Variants in KRABD3 observed in about 807,000 individuals in gnomAD.
KRABD3 encodes the protein KRAB domain containing 3.
chr7:149,725,560 C>CGGG, the KRABD3 span: 1 of 1,421,594 alleles, frequency 7.0e-7, no homozygotes, highest in African/African-American at 1.4e-5. Context: ...TGAGGACTGT[C>CGGG]GGGTCATTGT....
chr7:149,718,802 A>G, the KRABD3 span, among the ~76,000 whole-genome samples: 1 of 152,206 alleles, frequency 6.6e-6, no homozygotes, highest in African/African-American at 2.4e-5. Flanking sequence ...GGCGTGAGCC[A>G]CCACACCCAG....
the KRABD3 span, chr7:149,721,817 A>G: frequency 1.6e-6 from 1 of 607,334 alleles, no homozygotes; most frequent in Non-Finnish European, 3.1e-6. Flanking sequence ...AGTTTCTAAC[A>G]TGCAGGCCCA....
the KRABD3 span, chr7:149,733,393 G>A: frequency 6.2e-7 from 1 of 1,610,318 alleles, no homozygotes; most frequent in African/African-American, 1.3e-5. Flanking sequence ...TTGCGGAGAA[G>A]CTGGATCGGC....
At chr7:149,734,101 G>A in the KRABD3 span, 17 of 1,535,578 alleles carry the variant, frequency 1.1e-5, no homozygotes, top group South Asian at 7.7e-5. Context: ...CAGTGGTGGC[G>A]TGGAAGCCCT....
At chr7:149,732,487 A>G in the KRABD3 span, among the ~76,000 whole-genome samples, 11 of 152,294 alleles carry the variant, frequency 7.2e-5, no homozygotes, top group East Asian at 3.9e-4. The surrounding 1 kb of genome is among the most constrained non-coding windows in gnomAD (Gnocchi z 4.0). Context: ...GGAAGAAACC[A>G]TCTCTGCGCC....
chr7:149,717,990 G>A, the KRABD3 span, among the ~76,000 whole-genome samples: 1 of 152,258 alleles, frequency 6.6e-6, no homozygotes, highest in South Asian at 2.1e-4. Flanking sequence ...TAGAGATGGG[G>A]TTTCACCATG....
the KRABD3 span, chr7:149,715,013 C>T: frequency 1.1e-5 from 14 of 1,226,554 alleles, no homozygotes; most frequent in South Asian, 4.1e-4. Flanking sequence ...CGCCAGGGCC[C>T]GCGCCGGAAA....
the KRABD3 span, among the ~76,000 whole-genome samples, chr7:149,731,033 C>T: frequency 6.6e-6 from 1 of 152,166 alleles, no homozygotes; most frequent in African/African-American, 2.4e-5. Context: ...CCACTGTTTG[C>T]TCCTAGCAGA....
At chr7:149,733,303 G>T in the KRABD3 span, 1 of 1,612,596 alleles carries the variant, frequency 6.2e-7, no homozygotes, top group South Asian at 1.1e-5. Context: ...CGCCTCCTGT[G>T]TTGCCAGCCT....
At chr7:149,729,163 G>C in the KRABD3 span, 1 of 1,457,642 alleles carries the variant, frequency 6.9e-7, no homozygotes, top group Non-Finnish European at 9.1e-7. Flanking sequence ...GGGCTGACAG[G>C]CCTTCTGATT....
the KRABD3 span, chr7:149,734,121 C>A: frequency 6.7e-7 from 1 of 1,492,626 alleles, no homozygotes; most frequent in Non-Finnish European, 9.0e-7. Context: ...TGTCACCCCA[C>A]CCCAGGCCAC....
At chr7:149,730,823 A>C in the KRABD3 span, 17 of 540,380 alleles carry the variant, frequency 3.1e-5, no homozygotes, top group Non-Finnish European at 5.6e-5. Context: ...TGCGCTTGCT[A>C]ATATACACGT....
the KRABD3 span, chr7:149,733,475 C>A: frequency 1.9e-6 from 3 of 1,579,234 alleles, no homozygotes; most frequent in Non-Finnish European, 2.6e-6. Flanking sequence ...GCTGGGGAGG[C>A]GCCCCCAAGG....
the KRABD3 span, among the ~76,000 whole-genome samples, chr7:149,725,122 C>T: frequency 6.6e-6 from 1 of 152,178 alleles, no homozygotes; most frequent in Non-Finnish European, 1.5e-5. Context: ...GTCTTCATGC[C>T]TTCCAGGGAG....
At chr7:149,731,700 T>C in the KRABD3 span, 1 of 1,611,934 alleles carries the variant, frequency 6.2e-7, no homozygotes, top group Non-Finnish European at 8.5e-7. Context: ...GCCCGGTTTC[T>C]CAGCTGGAGA....
chr7:149,725,325 C>T, the KRABD3 span: 1 of 1,589,672 alleles, frequency 6.3e-7, no homozygotes, highest in Non-Finnish European at 8.6e-7. Context: ...CTGCCAGTGC[C>T]TCAAGCTCAC....
chr7:149,730,798 C>G, the KRABD3 span: 1 of 580,228 alleles, frequency 1.7e-6, no homozygotes. Flanking sequence ...CACTTGATGC[C>G]ACGTACACGG....
the KRABD3 span, chr7:149,721,002 A>T: frequency 5.0e-6 from 8 of 1,612,836 alleles, no homozygotes; most frequent in Non-Finnish European, 6.8e-6. Flanking sequence ...TAAGTCAGAC[A>T]GTGGGGCAGT....
the KRABD3 span, among the ~76,000 whole-genome samples, chr7:149,715,900 C>T: frequency 6.6e-6 from 1 of 152,200 alleles, no homozygotes; most frequent in African/African-American, 2.4e-5. Context: ...TTCAGACATG[C>T]CCATGGCCCC....
Sources: gnomAD v4.1 joint callset for allele counts (sites outside exome capture counted in the v4.1 genomes callset) on GRCh38, gnomAD v4.1.1 for gene constraint, Gnocchi (gnomAD v3.1) non-coding constraint, MANE v1.5 for transcripts, NCBI Gene and HGNC (gene_info 2026-07-23, HGNC 2026-07-21) for gene names.